PSMA2: variants seen among roughly 807,000 people sequenced by gnomAD.
PSMA2 encodes the protein proteasome subunit alpha type-2.
In PSMA2, 2 loss-of-function variants were observed where a neutral mutation model predicts 35.9. The ratio of observed to expected loss-of-function variants is 0.06; its 90% confidence interval spans 0.02 to 0.18. The LOEUF (loss-of-function observed/expected upper bound fraction) is 0.18, where lower values mean the gene tolerates loss of function less well. Ranked by LOEUF, PSMA2 falls within the 10% of genes least tolerant of loss-of-function variation. The pLI is 1.00. For missense variants in PSMA2, 126 were observed against 278.8 expected (o/e 0.45, Z 3.90); for synonymous variants, 97 against 98.2 (o/e 0.99, Z 0.07).
chr7:42,926,407 G>T, intron 3 of PSMA2, 129 bp downstream of exon 3: 1 of 1,157,090 alleles, frequency 8.6e-7, no homozygotes, highest in Non-Finnish European at 1.2e-6. Flanking sequence ...GGCTGCTATT[G>T]CTAAACAAAG....
At chr7:42,927,529 T>C (rs1335465110) in intron 1 of PSMA2, 70 bp from the exon 2 acceptor site, 2 of 1,449,952 alleles carry the variant, frequency 1.4e-6, no homozygotes, top group Non-Finnish European at 1.9e-6. Context: ...ATCTCTGAGA[T>C]AGTACAGACA....
intron 5 of PSMA2, among the ~76,000 whole-genome samples, chr7:42,922,446 T>G (rs77665402): frequency 6.6e-6 from 1 of 152,118 alleles, no homozygotes; most frequent in Non-Finnish European, 1.5e-5. Flanking sequence ...TAATCCAATA[T>G]GTTTTAAATG....
At chr7:42,923,443 A>G (rs1786158055) in intron 4 of PSMA2, 37 bp from the exon 5 acceptor site, 1 of 1,523,354 alleles carries the variant, frequency 6.6e-7, no homozygotes, top group Non-Finnish European at 9.1e-7. Context: ...TGGCATTTTC[A>G]TGGTGTTAAA....
intron 4 of PSMA2, 147 bp downstream of exon 4, chr7:42,924,528 T>C (rs1786178484): frequency 1.2e-6 from 1 of 834,790 alleles, no homozygotes; most frequent in African/African-American, 1.7e-5. Context: ...CAGAGCCAGA[T>C]AAGATCAGAA....
At chr7:42,919,642 A>G (rs1583605141) in intron 6 of PSMA2, 3 of 571,506 alleles carry the variant, frequency 5.2e-6, no homozygotes, top group South Asian at 4.6e-5. Context: ...GATTTTGGTA[A>G]TAACTTATGG....
Position 42,924,596 on chromosome 7 carries a change from A to G in PSMA2, c.374+79T>C. 4 of 1,398,148 alleles carry G rather than the reference A, an allele frequency of 2.9e-6. No homozygotes were observed. In the South Asian group the frequency reaches 3.9e-5, roughly 14 times the overall value. 86.6% of individuals were successfully genotyped at this position (1,398,148 alleles called of 1,614,324 possible). A position where few individuals can be genotyped will look rare whatever the true frequency, so the allele number is the denominator to read the frequency against. ...AGCAAATACAGAAATGGTAAGTCCC[A>G]CTCTATTTATATACCTACTCTTTAA... is the stretch of plus-strand genomic sequence containing the variant. On this transcript the variant is annotated intron_variant, in intron 4 of 7. Transcript: ENST00000223321.
Position 42,932,164 on chromosome 7 carries a change from C to A in PSMA2, c.-6G>T, listed in dbSNP as rs370136472. ...CTGTACCCGCGCTCCGCCATCTTTA[C>A]CCGAAGAGCCAAAGCACAGCCGCAC... On this transcript the variant is annotated 5_prime_UTR_variant, in exon 1 of 8. Transcript: ENST00000223321. 2.7e-4 allele frequency: 442 copies of A among 1,614,152 alleles called. No homozygotes were observed. In the African/African-American group the frequency reaches 4.9e-3, roughly 18 times the overall value.
rs1380278255 is a variant in PSMA2, at chr7:42,921,894, T to C, written c.494A>G (p.Lys165Arg). 2 of 1,612,034 alleles carry C rather than the reference T, an allele frequency of 1.2e-6. No individual in the cohort carries two copies. The highest frequency in any genetic ancestry group is 1.7e-6 in the Non-Finnish European group (2 of 1,178,630). ...GAAAGTCTTCCCATTCACATAGTTC[T>C]TTCCCATTGCTGTAGCTTTCCAGGC... is the stretch of plus-strand genomic sequence containing the variant. ...YFAWKATAMG[K>R]NYVNGKTFLE... is the part of the protein sequence containing the mutation. The change falls in exon 6 of 8, where the codon AAG (lysine) becomes AGG (arginine). Residue 165 changes from lysine to arginine, a missense_variant. Coordinates refer to ENST00000223321, the MANE Select transcript of PSMA2 (RefSeq NM_002787.5).
intron 4 of PSMA2, among the ~76,000 whole-genome samples, 192 bp downstream of exon 4, chr7:42,924,483 C>A (rs1285324569): frequency 1.3e-5 from 2 of 150,364 alleles, no homozygotes; most frequent in African/African-American, 4.9e-5. Context: ...ACATAAGCAA[C>A]AAGAAAACAC....
rs1228490417 is a variant in PSMA2 at position 42,932,120 on chromosome 7, G to A, written c.39C>T (p.Phe13=). The change falls in exon 1 of 8, where the codon TTC becomes TTT. Residue 13 remains phenylalanine, a splice_region_variant and synonymous_variant. Coordinates refer to ENST00000223321, the MANE Select transcript of PSMA2 (RefSeq NM_002787.5). ...ERGYSFSLTT[F]SPSGKLVQIE... is the part of the protein sequence containing the mutation. ...GACCTCGAGGGCCCCTTCCATACCT[G>A]AATGTAGTCAGCGAAAAGCTGTACC... The A allele has an allele frequency of 5.6e-6, 9 of 1,614,024 alleles. No individual in the cohort carries two copies. The highest frequency in any genetic ancestry group is 1.3e-5 in the African/African-American group (1 of 74,928).
intron 6 of PSMA2, chr7:42,918,454 T>C (rs938517827): frequency 5.9e-5 from 9 of 152,242 alleles, no homozygotes; most frequent in African/African-American, 1.9e-4. Context: ...AAACATAACA[T>C]GTCACTTCCT....
At chr7:42,919,303 A>C in intron 6 of PSMA2, 1 of 605,608 alleles carries the variant, frequency 1.7e-6, no homozygotes, top group South Asian at 1.4e-5. Context: ...AAAGTGTGGG[A>C]TGCTATCCCA....
intron 1 of PSMA2, among the ~76,000 whole-genome samples, chr7:42,931,603 C>G (rs1181158247): frequency 6.6e-6 from 1 of 151,968 alleles, no homozygotes; most frequent in East Asian, 1.9e-4. Flanking sequence ...ATTCGTGCAT[C>G]GAAGAAACCG....
chr7:42,928,778 A>T (rs1462480253), intron 1 of PSMA2, among the ~76,000 whole-genome samples: 2 of 151,976 alleles, frequency 1.3e-5, no homozygotes, highest in Non-Finnish European at 2.9e-5. Flanking sequence ...CACATAGACT[A>T]CTCTCAGACT....
chr7:42,926,732 A>G, intron 2 of PSMA2, 64 bp from the exon 3 acceptor site: 1 of 1,478,194 alleles, frequency 6.8e-7, no homozygotes, highest in Non-Finnish European at 9.0e-7. Context: ...ACAGCTTTCT[A>G]ATTATGGATG....
chr7:42,922,105 G>A (rs368944911), intron 5 of PSMA2, among the ~76,000 whole-genome samples, 174 bp from the exon 6 acceptor site: 59 of 152,176 alleles, frequency 3.9e-4, no homozygotes, highest in African/African-American at 1.3e-3. Context: ...CTAGAAGGAT[G>A]GAAACCAAAA....
rs1786279539 is a variant in PSMA2 at position 42,930,231 on chromosome 7, A to ACACACACG, written c.41+1886_41+1887insCGTGTGTG. On this transcript the variant is annotated intron_variant, in intron 1 of 7. Coordinates refer to ENST00000223321, the MANE Select transcript of PSMA2 (RefSeq NM_002787.5). ...AACACACACACACACACACGCACAC[A>ACACACACG]CACACACACACACACACAAGTTTGG... Among the ~76,000 whole-genome samples the ACACACACG allele has an allele frequency of 8.1e-4, 4 of 4,942 alleles. No individual in the cohort carries two copies. The East Asian group carries it at 0.044, about 55-fold the overall frequency. 3.2% of individuals were successfully genotyped at this position (4,942 alleles called of 152,430 possible).
intron 6 of PSMA2, chr7:42,919,428 T>C (rs1460110236): frequency 1.8e-6 from 1 of 553,158 alleles, no homozygotes; most frequent in Non-Finnish European, 3.6e-6. Context: ...CATATATGAC[T>C]TGAACAAACC....
At chr7:42,919,002 T>G in intron 6 of PSMA2, 1 of 244,502 alleles carries the variant, frequency 4.1e-6, no homozygotes, top group Non-Finnish European at 8.2e-6. Context: ...TTTTGTATTT[T>G]TAGTAGAGAC....
Sources: gnomAD v4.1 joint callset for allele counts (sites outside exome capture counted in the v4.1 genomes callset) on GRCh38, gnomAD v4.1.1 for gene constraint, MANE v1.5 for transcripts, NCBI Gene and HGNC (gene_info 2026-07-23, HGNC 2026-07-21) for gene names.